CACNA1C: variants seen among roughly 807,000 people sequenced by gnomAD.
CACNA1C encodes the protein calcium voltage-gated channel subunit alpha1 C, also known as voltage-dependent L-type calcium channel subunit alpha-1C.
A neutral mutation model predicts 229.0 loss-of-function variants in CACNA1C; 30 were observed. The ratio of observed to expected loss-of-function variants is 0.13; its 90% CI spans 0.10 to 0.18. CACNA1C has a LOEUF of 0.18. Among genes scored for constraint, CACNA1C ranks in the 10% least tolerant of loss-of-function variants. CACNA1C has a pLI of 1.00. For missense variants in CACNA1C, 1,658 were observed against 2,845.0 expected, an observed-to-expected ratio of 0.58 and a Z score of 9.49; for synonymous variants, 1,114 against 1,132.5, an observed-to-expected ratio of 0.98 and a Z score of 0.33.
intron 10 of CACNA1C, among the ~76,000 whole-genome samples, chr12:2,555,608 G>T (rs1443915968): frequency 6.6e-6 from 1 of 152,182 alleles, no homozygotes; most frequent in African/African-American, 2.4e-5. Context: ...TGCTGCCCTG[G>T]GCTCCCAGTC....
At position 2,688,660 on chromosome 12, in the gene CACNA1C, C is replaced by G. The variant is rs745889901; in HGVS notation, c.5998C>G (p.Pro2000Ala). 2 of 1,613,684 alleles carry G rather than the reference C, an allele frequency of 1.2e-6. No homozygotes were observed. Among genetic ancestry groups the G allele is most frequent in the Non-Finnish European group, 8.5e-7 (1 of 1,179,818 alleles). ...IHCGSWAETTPGGGGSSAARR... is the reference protein window; with the variant it reads ...IHCGSWAETTAGGGGSSAARR... ...CTGCGGCTCCTGGGCTGAGACCACC[C>G]CCGGTGGCGGGGGCAGCAGCGCCGC... Residue 2000 changes from proline to alanine, a missense_variant, in exon 46 of 47, where the codon CCC becomes GCC. Physicochemically the swap from Pro to Ala is conservative, Grantham distance 27 (BLOSUM62 -1). This residue lies in a region of CACNA1C where 590 missense variants were observed against 700.8 expected (regional missense o/e 0.84). Coordinates refer to ENST00000399655, the MANE Select transcript of CACNA1C (RefSeq NM_000719.7).
intron 9 of CACNA1C, among the ~76,000 whole-genome samples, chr12:2,533,389 A>G (rs1310363941): frequency 6.6e-6 from 1 of 152,206 alleles, no homozygotes; most frequent in Non-Finnish European, 1.5e-5. Flanking sequence ...GAATGAGTGA[A>G]GGAGTACACA....
chr12:2,155,183 G>A (rs188933633), intron 3 of CACNA1C, among the ~76,000 whole-genome samples: 5 of 152,318 alleles, frequency 3.3e-5, no homozygotes, highest in Admixed American at 3.3e-4. Flanking sequence ...GTTTTGCGTG[G>A]AGAACGTGGA....
chr12:2,004,583 C>T, intron 1 of CACNA1C: 2 of 1,158,270 alleles, frequency 1.7e-6, no homozygotes, highest in Non-Finnish European at 2.4e-6. Flanking sequence ...TCCTGCCCGC[C>T]GACAGACGCA....
rs1569079950 is a variant in CACNA1C at position 2,654,536 on chromosome 12, C to T, written c.4141-611C>T. 6.6e-6 allele frequency among the ~76,000 whole-genome samples: 1 copy of T among 152,186 alleles called. No homozygotes were observed. The highest frequency in any genetic ancestry group is 1.5e-5 in the Non-Finnish European group (1 of 68,022). ...ACTTGGCAGGGCGCCCACACTAGCC[C>T]AAAGCGCTTCCTCGGCCGCTCCTTC... On this transcript the variant is annotated intron_variant, in intron 33 of 46. Transcript: ENST00000399655. The surrounding 1 kb of genome is among the most constrained non-coding windows in gnomAD (Gnocchi z 4.4).
rs572672382 is a variant in CACNA1C at position 2,604,333 on chromosome 12, C to T, written c.2961-748C>T. On this transcript the variant is annotated intron_variant, in intron 22 of 46. Transcript: ENST00000399655. Reference sequence around the variant, plus strand: ...CTTCTGAGACTGCTTCTAAGGCCGTCGTTTCGGGGTGTTGTTTCCTGAGCC... The same window carrying T: ...CTTCTGAGACTGCTTCTAAGGCCGTTGTTTCGGGGTGTTGTTTCCTGAGCC... Among the ~76,000 whole-genome samples the T allele has an allele frequency of 2.0e-4, 30 of 152,234 alleles. 1 individual carries two copies. The South Asian group carries it at 3.5e-3, about 18-fold the overall frequency.
At position 2,004,628 on chromosome 12, in the gene CACNA1C, T is replaced by C. The variant is rs1427850089; in HGVS notation, c.139+33427T>C. The C allele has an allele frequency of 1.2e-5, 9 of 720,106 alleles. No homozygotes were observed. The African/African-American group carries it at 1.3e-4, about 10-fold the overall frequency. The allele number at this position is 720,106 out of a possible 1,614,324, so 44.6% of individuals were successfully genotyped here. On this transcript the variant is annotated intron_variant, in intron 1 of 46. Coordinates refer to the CACNA1C transcript ENST00000682462. ...TAATCGATGGCCGCGCCCCGCCCAC[T>C]GAGGATCGTTGCCACTGGCAACGAC...
chr12:2,053,718 CG>C lies in CACNA1C; in HGVS notation c.49+111del. The C allele has an allele frequency of 3.4e-6, 2 of 594,434 alleles. No homozygotes were observed. The allele number at this position is 594,434 out of a possible 1,614,324, so 36.8% of individuals were successfully genotyped here. A position where few individuals can be genotyped will look rare whatever the true frequency, so the allele number is the denominator to read the frequency against. On this transcript the variant is annotated intron_variant, in intron 1 of 46. Coordinates refer to ENST00000399655, the MANE Select transcript of CACNA1C (RefSeq NM_000719.7). This position sits in a 1 kb window ranked among gnomAD's most constrained non-coding sequence, Gnocchi z 5.8. ...CGGGGCCGGTCCCTGCGGAGTGGCC[CG>C]GGGCCGCGTCCGCGAGGGGCGCCTC...
At chr12:2,505,676 G>A (rs111844538) in intron 8 of CACNA1C, among the ~76,000 whole-genome samples, 8 of 152,252 alleles carry the variant, frequency 5.3e-5, no homozygotes, top group Admixed American at 2.0e-4. Context: ...GAAGTAGCAC[G>A]TGGTTGGAAG....
intron 1 of CACNA1C, among the ~76,000 whole-genome samples, chr12:2,101,519 G>A (rs772455706): frequency 3.3e-5 from 5 of 152,138 alleles, no homozygotes; most frequent in African/African-American, 9.7e-5. Context: ...TGCACGCTCC[G>A]CCTCCCTGAG....
In CACNA1C at chr12:2,595,785, G is replaced by C; in HGVS notation, c.2664-89G>C. ...AGCACCTGTTGCCAGCTGCTGGGGA[G>C]AGCTGAGGAGAGGGGCTCCCAAGAG... On this transcript the variant is annotated intron_variant, in intron 19 of 46. Transcript: ENST00000399655. This position sits in a 1 kb window ranked among gnomAD's most constrained non-coding sequence, Gnocchi z 4.1. The C allele has an allele frequency of 7.8e-7, 1 of 1,278,632 alleles. No homozygotes were observed. Among genetic ancestry groups the C allele is most frequent in the Admixed American group, 1.9e-5 (1 of 53,194 alleles). 79.2% of individuals were successfully genotyped at this position (1,278,632 alleles called of 1,614,324 possible).
intron 1 of CACNA1C, among the ~76,000 whole-genome samples, chr12:2,080,031 C>T (rs932307043): frequency 7.2e-5 from 11 of 152,074 alleles, no homozygotes; most frequent in East Asian, 3.9e-4. Context: ...GAGGCTGAGG[C>T]GGGCAGATCA....
rs2097024303 is a variant in CACNA1C at position 2,679,647 on chromosome 12, C to T, written c.5295C>T (p.Ala1765=). The change falls in exon 42 of 47, where the codon GCC becomes GCT. Residue 1765 remains alanine (A), a synonymous_variant. Transcript: ENST00000399655. This position sits in a 1 kb window ranked among gnomAD's most constrained non-coding sequence, Gnocchi z 5.5. ...GCTACTCGTCCACCGGCTCCAACGC[C>T]AACATCAACAACGCCAACAACACCG... ...PSSYSSTGSN[A]NINNANNTAL... 6.2e-7 allele frequency: 1 copy of T among 1,613,744 alleles called. No individual in the cohort carries two copies. The highest frequency in any genetic ancestry group is 1.3e-5 in the African/African-American group (1 of 74,928).
At chr12:2,116,525 T>C (rs928200057) in intron 2 of CACNA1C, among the ~76,000 whole-genome samples, 1 of 152,108 alleles carries the variant, frequency 6.6e-6, no homozygotes, top group Admixed American at 6.5e-5. Context: ...GCCACCACGC[T>C]CGGCTATTCT....
At chr12:2,156,192 C>A (rs747118832) in intron 3 of CACNA1C, among the ~76,000 whole-genome samples, 1 of 152,096 alleles carries the variant, frequency 6.6e-6, no homozygotes, top group East Asian at 1.9e-4. Flanking sequence ...AAATGATGAT[C>A]GCAAAGTCAA....
intron 3 of CACNA1C, among the ~76,000 whole-genome samples, chr12:2,205,821 T>C (rs568801302): frequency 6.6e-6 from 1 of 152,278 alleles, no homozygotes; most frequent in South Asian, 2.1e-4. Flanking sequence ...CCAGCAGATT[T>C]GGTGTCTGGT....
intron 3 of CACNA1C, among the ~76,000 whole-genome samples, chr12:2,253,967 G>A (rs1358370513): frequency 1.3e-5 from 2 of 152,196 alleles, no homozygotes; most frequent in Non-Finnish European, 2.9e-5. Context: ...AGAAGCAACA[G>A]TACTGGGATC....
chr12:2,255,093 G>C (rs773230238), intron 3 of CACNA1C, among the ~76,000 whole-genome samples: 29 of 152,248 alleles, frequency 1.9e-4, no homozygotes, highest in Non-Finnish European at 4.1e-4. Flanking sequence ...CGTAGAGCTT[G>C]GGTACCCTCC....
intron 3 of CACNA1C, chr12:2,222,465 T>A (rs1415532670): frequency 6.6e-6 from 1 of 152,114 alleles, no homozygotes; most frequent in South Asian, 2.1e-4. Context: ...AGAACAAGAA[T>A]AATGCTTTCA....
Sources: gnomAD v4.1 joint callset for allele counts (sites outside exome capture counted in the v4.1 genomes callset) on GRCh38, gnomAD v4.1.1 for gene constraint, gnomAD v4.1.1 regional missense constraint, Gnocchi (gnomAD v3.1) non-coding constraint, MANE v1.5 for transcripts, NCBI Gene and HGNC (gene_info 2026-07-23, HGNC 2026-07-21) for gene names.